RASGRF2: variants seen among roughly 807,000 people sequenced by gnomAD.
RASGRF2 encodes ras-specific guanine nucleotide-releasing factor 2.
A neutral mutation model predicts 151.0 loss-of-function variants in RASGRF2; 76 were observed. The ratio of observed to expected loss-of-function variants is 0.50; its 90% CI spans 0.42 to 0.61. The LOEUF is 0.61. Ranked by LOEUF, RASGRF2 falls within the 20% of genes least tolerant of loss-of-function variation. The pLI, the probability that RASGRF2 is intolerant of heterozygous loss-of-function variation, is 0.00. For synonymous variants in RASGRF2, 504 were observed against 566.5 expected, an observed-to-expected ratio of 0.89 and a Z score of 1.57; for missense variants, 1,148 against 1,564.6, an observed-to-expected ratio of 0.73 and a Z score of 4.49.
intron 1 of RASGRF2, among the ~76,000 whole-genome samples, chr5:80,986,510 G>C (rs1024221128): frequency 1.3e-5 from 2 of 152,188 alleles, no homozygotes; most frequent in Admixed American, 6.5e-5. Flanking sequence ...AATGTTTACT[G>C]AAAGAAGGAA....
intron 17 of RASGRF2, among the ~76,000 whole-genome samples, chr5:81,168,193 A>C: frequency 6.9e-6 from 1 of 145,132 alleles, no homozygotes; most frequent in African/African-American, 2.6e-5. Context: ...GCCCCATCCC[A>C]TCCCTTTTCA....
chr5:81,158,532 T>C (rs1362415781), intron 17 of RASGRF2, among the ~76,000 whole-genome samples: 2 of 151,180 alleles, frequency 1.3e-5, no homozygotes, highest in Non-Finnish European at 3.0e-5. Flanking sequence ...CATAGAGAAA[T>C]AGGAGAAAAT....
At chr5:81,010,573 A>G (rs1173172084) in intron 1 of RASGRF2, among the ~76,000 whole-genome samples, 1 of 152,232 alleles carries the variant, frequency 6.6e-6, no homozygotes, top group Non-Finnish European at 1.5e-5. Context: ...CACATGAGCA[A>G]GTGCCAATTT....
chr5:81,226,011 A>T lies in RASGRF2; in HGVS notation c.*241A>T, dbSNP rs921252415. 1 of 392,686 alleles carries T rather than the reference A, an allele frequency of 2.5e-6. No individual in the cohort carries two copies. The highest frequency in any genetic ancestry group is 4.5e-6 in the Non-Finnish European group (1 of 224,116). The allele number at this position is 392,686 out of a possible 1,614,324, so 24.3% of individuals were successfully genotyped here. ...ATTTAGAAAGCTGGTGGCACGTTTT[A>T]CATAAGGGAATGTCAGATGGGAGAT... On this transcript the variant is annotated 3_prime_UTR_variant, in exon 27 of 27. Coordinates refer to ENST00000265080, the MANE Select transcript of RASGRF2 (RefSeq NM_006909.3).
At chr5:80,971,063 A>G (rs1325313684) in intron 1 of RASGRF2, among the ~76,000 whole-genome samples, 1 of 152,246 alleles carries the variant, frequency 6.6e-6, no homozygotes, top group East Asian at 1.9e-4. Flanking sequence ...TTGTAACAAT[A>G]AATTAAAAAT....
At chr5:81,065,476 C>A (rs1033454930) in intron 2 of RASGRF2, among the ~76,000 whole-genome samples, 12 of 152,118 alleles carry the variant, frequency 7.9e-5, no homozygotes, top group African/African-American at 2.4e-4. Flanking sequence ...AAGGTGCCAC[C>A]CTTTTCTAGA....
At chr5:81,117,728 G>A (rs909061742) in intron 15 of RASGRF2, among the ~76,000 whole-genome samples, 4 of 152,076 alleles carry the variant, frequency 2.6e-5, no homozygotes, top group Admixed American at 6.6e-5. Flanking sequence ...AATCAGATAC[G>A]GGTGAGACCT....
intron 2 of RASGRF2, among the ~76,000 whole-genome samples, chr5:81,047,542 G>A (rs902563948): frequency 1.3e-5 from 2 of 152,212 alleles, no homozygotes; most frequent in Non-Finnish European, 2.9e-5. Flanking sequence ...CCTCCCCTCA[G>A]GGTGTATCTT....
intron 2 of RASGRF2, among the ~76,000 whole-genome samples, chr5:81,064,589 T>C (rs751516125): frequency 9.2e-5 from 14 of 152,180 alleles, no homozygotes; most frequent in Non-Finnish European, 1.3e-4. Context: ...CATGAGTGTC[T>C]GCTATTCCTT....
chr5:81,113,155 T>C (rs77001229), intron 14 of RASGRF2, among the ~76,000 whole-genome samples: 1 of 152,084 alleles, frequency 6.6e-6, no homozygotes, highest in Non-Finnish European at 1.5e-5. Flanking sequence ...TTTTTTTTTT[T>C]GACAATTATG....
intron 23 of RASGRF2, among the ~76,000 whole-genome samples, chr5:81,213,421 G>T (rs549326189): frequency 6.6e-6 from 1 of 152,170 alleles, no homozygotes. Context: ...GAATAGAAGG[G>T]TCTACATCAG....
chr5:81,047,684 T>TTTG (rs1166928232), intron 2 of RASGRF2, among the ~76,000 whole-genome samples: 1 of 152,246 alleles, frequency 6.6e-6, no homozygotes, highest in Non-Finnish European at 1.5e-5. Context: ...GACCTAACCC[T>TTTG]TTGTTTCACC....
At chr5:81,215,357 G>A (rs1755713636) in intron 23 of RASGRF2, among the ~76,000 whole-genome samples, 1 of 139,170 alleles carries the variant, frequency 7.2e-6, no homozygotes, top group South Asian at 2.4e-4. Context: ...TGCAACCTCC[G>A]CCTCCCGGGT....
intron 16 of RASGRF2, 117 bp downstream of exon 16, chr5:81,123,884 A>G (rs561267284): frequency 7.6e-7 from 1 of 1,320,032 alleles, no homozygotes; most frequent in South Asian, 1.5e-5. Context: ...TCACTTATTG[A>G]AAATTAATTG....
chr5:81,121,071 C>G (rs56062357), intron 15 of RASGRF2, among the ~76,000 whole-genome samples: 7,084 of 152,124 alleles, frequency 0.047, 590 homozygotes, highest in African/African-American at 0.16. Flanking sequence ...TGGATGAACA[C>G]TACTTCAGCA....
chr5:81,053,051 T>C (rs1341642727), intron 2 of RASGRF2, among the ~76,000 whole-genome samples: 4 of 152,128 alleles, frequency 2.6e-5, no homozygotes, highest in Non-Finnish European at 5.9e-5. Flanking sequence ...ATTAAGAAAG[T>C]ATGATAATTA....
intron 17 of RASGRF2, among the ~76,000 whole-genome samples, chr5:81,173,767 G>A (rs1026911743): frequency 6.6e-6 from 1 of 152,216 alleles, no homozygotes; most frequent in Non-Finnish European, 1.5e-5. Context: ...TATTCTGGAA[G>A]AGATAGGCAC....
rs530520255 is a variant in RASGRF2, at chr5:81,198,652, G to T, written c.2794-2678G>T. 8.6e-4 allele frequency among the ~76,000 whole-genome samples: 131 copies of T among 152,266 alleles called. 1 individual carries two copies. Among genetic ancestry groups the T allele is most frequent in the Non-Finnish European group, 1.0e-4 (7 of 68,024 alleles). The stretch of plus-strand genomic sequence containing the variant: ...GACGGGGTTTCACCGTGTTAGCCAG[G>T]ATGGTCTCGATCTCCTGACCTCATG... On this transcript the variant is annotated intron_variant, in intron 18 of 26. Coordinates refer to ENST00000265080, the MANE Select transcript of RASGRF2 (RefSeq NM_006909.3).
chr5:80,960,692 G>T lies in RASGRF2; in HGVS notation c.-47G>T, dbSNP rs775672715. 96 of 1,429,004 alleles carry T rather than the reference G, an allele frequency of 6.7e-5. No homozygotes were observed. Among genetic ancestry groups the T allele is most frequent in the Non-Finnish European group, 8.6e-5 (93 of 1,076,260 alleles). The allele number at this position is 1,429,004 out of a possible 1,614,324, so 88.5% of individuals were successfully genotyped here. ...GAGCCAGCTGGGCCATGGCCGCGAG[G>T]CAGGGGTGAGACCGGCGGCCACCCG... On this transcript the variant is annotated 5_prime_UTR_variant, in exon 1 of 27. Transcript: ENST00000265080. The surrounding 1 kb of genome is among the most constrained non-coding windows in gnomAD (Gnocchi z 5.5).
Sources: gnomAD v4.1 joint callset for allele counts (sites outside exome capture counted in the v4.1 genomes callset) on GRCh38, gnomAD v4.1.1 for gene constraint, Gnocchi (gnomAD v3.1) non-coding constraint, MANE v1.5 for transcripts, NCBI Gene and HGNC (gene_info 2026-07-23, HGNC 2026-07-21) for gene names.